Variants in ZKSCAN8 observed in about 807,000 individuals in gnomAD.
ZKSCAN8 encodes zinc finger with KRAB and SCAN domains 8, also known as zinc finger protein with KRAB and SCAN domains 8.
ZKSCAN8 carries 27 observed loss-of-function variants against 57.2 expected under a neutral mutation model. The observed-to-expected ratio is 0.47, with a 90% confidence interval of 0.35 to 0.65. The LOEUF (loss-of-function observed/expected upper bound fraction) is 0.65. Among genes scored for constraint, ZKSCAN8 ranks in the 30% least tolerant of loss-of-function variants. The pLI is 0.01. For missense variants in ZKSCAN8, 597 were observed against 696.3 expected (o/e 0.86, Z 1.60); for synonymous variants, 214 against 248.7 (o/e 0.86, Z 1.31).
In ZKSCAN8 at chr6:28,153,973, C is replaced by T. The variant is rs1433360083; in HGVS notation, c.1693C>T (p.Gln565Ter). The T allele has an allele frequency of 6.2e-7, 1 of 1,610,330 alleles. No homozygotes were observed. Residue 565 changes from glutamine to a stop codon, truncating the protein, a stop_gained, in exon 6 of 6, where the codon CAG (glutamine) becomes TAG (stop). Coordinates refer to ENST00000330236, the MANE Select transcript of ZKSCAN8 (RefSeq NM_006298.4). LOFTEE classifies it high-confidence loss of function. ...FIQRSSLIRH[Q>*]RIHSGEKSES... ...TCAGAGGTCAAGTCTCATTCGACAT[C>T]AGAGAATCCACAGTGGTGAAAAATC...
rs1765866334 is a variant in ZKSCAN8, at chr6:28,158,684, G to A, written c.*4667G>A. 2 of 151,982 alleles carry A rather than the reference G, an allele frequency of 1.3e-5. No individual in the cohort carries two copies. Among genetic ancestry groups the A allele is most frequent in the Non-Finnish European group, 2.9e-5 (2 of 68,018 alleles). The allele number at this position is 151,982 out of a possible 1,614,324, so 9.4% of individuals were successfully genotyped here. ...ATTATAGCTTTTCATGTAGATCTGAGGCCCAGGTTACTGTAATTCTTTTTT... is the reference window on the plus strand; with the variant it reads ...ATTATAGCTTTTCATGTAGATCTGAAGCCCAGGTTACTGTAATTCTTTTTT... On this transcript the variant is annotated 3_prime_UTR_variant, in exon 6 of 6. Coordinates refer to ENST00000330236, the MANE Select transcript of ZKSCAN8 (RefSeq NM_006298.4).
rs1208840638 is a variant in ZKSCAN8 at position 28,152,317 on chromosome 6, T to G, written c.708T>G (p.Leu236=). ...CCCTTATTCGAGAGGAGTGGCTTCTTGATCCATCACAGAAGGATCTGTGTA... is the reference window on the plus strand; with the variant it reads ...CCCTTATTCGAGAGGAGTGGCTTCTGGATCCATCACAGAAGGATCTGTGTA... The part of the protein sequence containing the change: ...AVSLIREEWL[L]DPSQKDLCRD... Residue 236 remains leucine (L), a synonymous_variant, in exon 5 of 6, where the codon CTT becomes CTG. Coordinates refer to ENST00000330236, the MANE Select transcript of ZKSCAN8 (RefSeq NM_006298.4). The G allele has an allele frequency of 6.2e-7, 1 of 1,613,690 alleles. No homozygotes were observed. The highest frequency in any genetic ancestry group is 8.5e-7 in the Non-Finnish European group (1 of 1,179,896).
chr6:28,148,803 G>T lies in ZKSCAN8; in HGVS notation c.396G>T (p.Gln132His). ...VVTLLEDLER[Q>H]IDILGRPVSA... ...CCCTATTAGAGGATTTGGAAAGGCA[G>T]ATTGATATACTAGGACGACCAGTAA... is the stretch of plus-strand genomic sequence containing the variant. Residue 132 changes from glutamine (Q) to histidine (H), a missense_variant, in exon 2 of 6, where the codon CAG (glutamine) becomes CAT (histidine). Gln to His is a conservative substitution (Grantham distance 24). Transcript: ENST00000330236. The T allele has an allele frequency of 6.2e-7, 1 of 1,613,752 alleles. No individual in the cohort carries two copies. Among genetic ancestry groups the T allele is most frequent in the South Asian group, 1.1e-5 (1 of 91,062 alleles).
intron 1 of ZKSCAN8, among the ~76,000 whole-genome samples, chr6:28,146,675 C>CA (rs1468574429): frequency 6.6e-6 from 1 of 152,102 alleles, no homozygotes; most frequent in Non-Finnish European, 1.5e-5. Context: ...AAACGAACAA[C>CA]AAAGTTGCAA....
chr6:28,148,225 T>A (rs984163847), intron 1 of ZKSCAN8, 91 bp from the exon 2 acceptor site: 2 of 582,618 alleles, frequency 3.4e-6, no homozygotes, highest in Admixed American at 3.1e-5. Context: ...AGCCATGAAG[T>A]CCGTGTCATA....
At chr6:28,148,213 C>T (rs1286722032) in intron 1 of ZKSCAN8, 103 bp from the exon 2 acceptor site, 9 of 531,454 alleles carry the variant, frequency 1.7e-5, no homozygotes, top group East Asian at 1.3e-4. Flanking sequence ...TTTAATTGGC[C>T]GAGCCATGAA....
At position 28,153,675 on chromosome 6, in the gene ZKSCAN8, T is replaced by C. The variant is rs756175880; in HGVS notation, c.1395T>C (p.Asp465=). The change falls in exon 6 of 6, where the codon GAT becomes GAC. Residue 465 remains aspartate, a synonymous_variant. Transcript: ENST00000330236. Reference sequence around the variant, plus strand: ...CTGGGGAGAAGCCCTATGAGTGTGATGAGTGTGGGAAAACCTTCAGGCGGA... The same window carrying C: ...CTGGGGAGAAGCCCTATGAGTGTGACGAGTGTGGGAAAACCTTCAGGCGGA... The part of the protein sequence containing the change: ...IHTGEKPYEC[D]ECGKTFRRSS... 6.2e-7 allele frequency: 1 copy of C among 1,613,312 alleles called. No individual in the cohort carries two copies. The highest frequency in any genetic ancestry group is 1.1e-5 in the South Asian group (1 of 91,038).
rs373180603 is a variant in ZKSCAN8 at position 28,149,306 on chromosome 6, C to G, written c.418-177C>G. Among the ~76,000 whole-genome samples, 25 of 152,262 alleles carry G rather than the reference C, an allele frequency of 1.6e-4. No homozygotes were observed. The South Asian group carries it at 1.9e-3, about 11-fold the overall frequency. ...CCTTTAGTACTAAGCAAAAATGATG[C>G]CTTTCTTTCTGTGCTCATTACGTAT... is the stretch of plus-strand genomic sequence containing the variant. On this transcript the variant is annotated intron_variant, in intron 2 of 5. Transcript: ENST00000330236.
chr6:28,147,556 A>T lies in ZKSCAN8; in HGVS notation c.-92-760A>T, dbSNP rs535711930. On this transcript the variant is annotated intron_variant, in intron 1 of 5. Coordinates refer to ENST00000330236, the MANE Select transcript of ZKSCAN8 (RefSeq NM_006298.4). ...GTTCATAGTGGCTTTATTCATAGTG[A>T]TTAAAAAACAAAAACAACTCAGATA... Among the ~76,000 whole-genome samples, 298 of 152,328 alleles carry T rather than the reference A, an allele frequency of 2.0e-3. 1 individual carries two copies. The highest frequency in any genetic ancestry group is 5.5e-3 in the African/African-American group (228 of 41,554).
Position 28,153,393 on chromosome 6 carries a change from C to T in ZKSCAN8, c.1113C>T (p.Ile371=), listed in dbSNP as rs761596735. The change falls in exon 6 of 6, where the codon ATC becomes ATT. Residue 371 remains isoleucine (I), a synonymous_variant. Transcript: ENST00000330236. Reference sequence around the variant, plus strand: ...CAGCCCTTCTTTCACATCAGGATATCCACAACAAAGTAAAACGCTATCACT... The same window carrying T: ...CAGCCCTTCTTTCACATCAGGATATTCACAACAAAGTAAAACGCTATCACT... ...YRSALLSHQD[I]HNKVKRYHCK... is the part of the protein sequence containing the mutation. 10 of 1,613,968 alleles carry T rather than the reference C, an allele frequency of 6.2e-6. No homozygotes were observed. The highest frequency in any genetic ancestry group is 8.5e-6 in the Non-Finnish European group (10 of 1,179,990).
chr6:28,153,253 G>A lies in ZKSCAN8; in HGVS notation c.973G>A (p.Asp325Asn). 6.2e-7 allele frequency: 1 copy of A among 1,614,214 alleles called. No individual in the cohort carries two copies. The highest frequency in any genetic ancestry group is 8.5e-7 in the Non-Finnish European group (1 of 1,180,030). ...NPTQERRHKC[D>N]ECGKSFAQSS... is the part of the protein sequence containing the mutation. ...CACACAAGAGAGACGACATAAATGT[G>A]ATGAATGTGGGAAAAGCTTTGCTCA... The change falls in exon 6 of 6, where the codon GAT becomes AAT. Residue 325 changes from aspartate to asparagine, a missense_variant. By Grantham distance (23) the Asp-to-Asn change is conservative (BLOSUM62 1). Coordinates refer to ENST00000330236, the MANE Select transcript of ZKSCAN8 (RefSeq NM_006298.4).
rs1765851331 is a variant in ZKSCAN8 at position 28,158,263 on chromosome 6, C to G, written c.*4246C>G. On this transcript the variant is annotated 3_prime_UTR_variant, in exon 6 of 6. Transcript: ENST00000330236. ...CACCCACTCCCCTTTCTCCTCTTCT[C>G]CACTGAGAATAATCTCCCTGTCTTT... 6.6e-6 allele frequency: 1 copy of G among 152,046 alleles called. No individual in the cohort carries two copies. The highest frequency in any genetic ancestry group is 2.1e-4 in the South Asian group (1 of 4,806). The allele number at this position is 152,046 out of a possible 1,614,324, so 9.4% of individuals were successfully genotyped here. A position where few individuals can be genotyped will look rare whatever the true frequency, so the allele number is the denominator to read the frequency against.
Position 28,156,765 on chromosome 6 carries a change from AT to A in ZKSCAN8, c.*2752del, listed in dbSNP as rs1468781349. 6.6e-6 allele frequency: 1 copy of A among 152,154 alleles called. No individual in the cohort carries two copies. Among genetic ancestry groups the A allele is most frequent in the Non-Finnish European group, 1.5e-5 (1 of 68,032 alleles). 9.4% of individuals were successfully genotyped at this position (152,154 alleles called of 1,614,324 possible). ...TTTCTCCTCCCATCCTAAGCTTCTCATTTTAGGAACTGACATGATAAGGTGG... is the reference window on the plus strand; with the variant it reads ...TTTCTCCTCCCATCCTAAGCTTCTCATTTAGGAACTGACATGATAAGGTGG... On this transcript the variant is annotated 3_prime_UTR_variant, in exon 6 of 6. Transcript: ENST00000330236.
chr6:28,148,306 CTTCA>C lies in ZKSCAN8; in HGVS notation c.-92-8_-92-5del. Reference sequence around the variant, plus strand: ...ACTTGCCTTAACACTATCATATTTTCTTCATGAAGAAGTACCCTTAGAAAGAGGC... The same window carrying C: ...ACTTGCCTTAACACTATCATATTTTCTGAAGAAGTACCCTTAGAAAGAGGC... On this transcript the variant is annotated splice_region_variant and splice_polypyrimidine_tract_variant and intron_variant, in intron 1 of 5. Transcript: ENST00000330236. 2 of 1,264,490 alleles carry C rather than the reference CTTCA, an allele frequency of 1.6e-6. No individual in the cohort carries two copies. Among genetic ancestry groups the C allele is most frequent in the Non-Finnish European group, 2.2e-6 (2 of 929,416 alleles). The allele number at this position is 1,264,490 out of a possible 1,614,324, so 78.3% of individuals were successfully genotyped here. A position where few individuals can be genotyped will look rare whatever the true frequency, so the allele number is the denominator to read the frequency against.
At position 28,148,565 on chromosome 6, in the gene ZKSCAN8, G is replaced by A. The variant is rs767207132; in HGVS notation, c.158G>A (p.Arg53His). ...NPLGQEVFRL[R>H]FRQLRYQETL... is the part of the protein sequence containing the mutation. The stretch of plus-strand genomic sequence containing the variant: ...CTTGGCCAAGAAGTGTTCCGCCTGC[G>A]CTTCAGGCAGTTACGCTACCAGGAG... Residue 53 changes from arginine to histidine, a missense_variant, in exon 2 of 6, where the codon CGC (arginine) becomes CAC (histidine). Transcript: ENST00000330236. 130 of 1,613,906 alleles carry A rather than the reference G, an allele frequency of 8.1e-5. No individual in the cohort carries two copies. Among genetic ancestry groups the A allele is most frequent in the Middle Eastern group, 1.6e-4 (1 of 6,082 alleles).
chr6:28,156,553 G>A lies in ZKSCAN8; in HGVS notation c.*2536G>A, dbSNP rs1035168207. The A allele has an allele frequency of 5.8e-5, 12 of 207,982 alleles. No homozygotes were observed. Among genetic ancestry groups the A allele is most frequent in the African/African-American group, 2.7e-4 (12 of 43,704 alleles). 12.9% of individuals were successfully genotyped at this position (207,982 alleles called of 1,614,324 possible). A position where few individuals can be genotyped will look rare whatever the true frequency, so the allele number is the denominator to read the frequency against. ...CAAATGGTATAAGACAATAGAAAAA[G>A]GCTGTGGATTCTTTGAGGACATCAC... On this transcript the variant is annotated 3_prime_UTR_variant, in exon 6 of 6. Transcript: ENST00000330236.
rs1765832943 is a variant in ZKSCAN8, at chr6:28,157,805, C to T, written c.*3788C>T. The stretch of plus-strand genomic sequence containing the variant: ...AAATTCAAATATATTTTTCTCCAAA[C>T]TGCCAAAGGGAAAGTAGAATTGTGG... On this transcript the variant is annotated 3_prime_UTR_variant, in exon 6 of 6. Coordinates refer to ENST00000330236, the MANE Select transcript of ZKSCAN8 (RefSeq NM_006298.4). 6.6e-6 allele frequency: 1 copy of T among 152,116 alleles called. No homozygotes were observed. The highest frequency in any genetic ancestry group is 2.4e-5 in the African/African-American group (1 of 41,406). The allele number at this position is 152,116 out of a possible 1,614,324, so 9.4% of individuals were successfully genotyped here.
At position 28,148,405 on chromosome 6, in the gene ZKSCAN8, C is replaced by G. The variant is rs369500730; in HGVS notation, c.-3C>G. 1.4e-5 allele frequency: 23 copies of G among 1,607,570 alleles called. No homozygotes were observed. Among genetic ancestry groups the G allele is most frequent in the Non-Finnish European group, 2.0e-5 (23 of 1,175,794 alleles). ...ACGAACTTCCTGAGCTTTTCAGGCT[C>G]TAATGGCTGAAGAATCAAGAAAGCC... On this transcript the variant is annotated 5_prime_UTR_variant, in exon 2 of 6. Transcript: ENST00000330236.
rs1322188004 is a variant in ZKSCAN8, at chr6:28,153,207, A to C, written c.927A>C (p.Leu309Phe). The C allele has an allele frequency of 6.2e-7, 1 of 1,614,204 alleles. No individual in the cohort carries two copies. The highest frequency in any genetic ancestry group is 1.1e-5 in the South Asian group (1 of 91,090). Reference protein sequence around the residue: ...HEEARDLLGRLERQRGNPTQE... With the variant: ...HEEARDLLGRFERQRGNPTQE... Reference sequence around the variant, plus strand: ...AAGCCCGAGACCTTCTGGGCAGATTAGAGAGGCAGCGGGGAAATCCCACAC... The same window carrying C: ...AAGCCCGAGACCTTCTGGGCAGATTCGAGAGGCAGCGGGGAAATCCCACAC... Residue 309 changes from leucine (L) to phenylalanine (F), a missense_variant, in exon 6 of 6, where the codon TTA becomes TTC. Physicochemically the swap from Leu to Phe is conservative, Grantham distance 22. Transcript: ENST00000330236.
Sources: allele counts gnomAD v4.1 joint callset (sites outside exome capture counted in the v4.1 genomes callset), GRCh38; gene constraint gnomAD v4.1.1; transcripts MANE v1.5; gene names NCBI Gene and HGNC (gene_info 2026-07-23, HGNC 2026-07-21).